The following AIPL1 variants were observed in gnomAD, a reference collection of about 807,000 sequenced individuals.
AIPL1 encodes the protein aryl-hydrocarbon-interacting protein-like 1.
A neutral mutation model predicts 32.9 loss-of-function variants in AIPL1; 23 were observed. The observed-to-expected ratio is 0.70, with a 90% CI of 0.50 to 0.99. The LOEUF (loss-of-function observed/expected upper bound fraction) is 0.99. AIPL1 is among the 50% of genes least tolerant of loss of function. AIPL1 has a pLI of 0.00. For missense variants in AIPL1, 485 were observed against 506.0 expected (o/e 0.96, Z 0.40); for synonymous variants, 210 against 209.4 (o/e 1.00, Z -0.02).
rs563684228 is a variant in AIPL1, at chr17:6,428,499, C to T, written c.284G>A (p.Gly95Glu). Residue 95 changes from glycine to glutamate, a missense_variant, in exon 3 of 6, where the codon GGG becomes GAG. By Grantham distance (98) the Gly-to-Glu change is moderately conservative. Transcript: ENST00000381129. The stretch of plus-strand genomic sequence containing the variant: ...GCTCCGGGATAGGATGGGGTAGACC[C>T]CCGTGTGCTGTGGGGATAAACGGAT... Reference protein sequence around the residue: ...AEFWCDTIHTGVYPILSRSLR... With the variant: ...AEFWCDTIHTEVYPILSRSLR... 5.0e-6 allele frequency: 8 copies of T among 1,613,902 alleles called. No homozygotes were observed. In the East Asian group the frequency reaches 1.8e-4, roughly 36 times the overall value.
In AIPL1 at chr17:6,424,763, C is replaced by T. The variant is rs1466854082; in HGVS notation, c.*697G>A. ...TATTTTTAGTAGAGATGAGGTTTCA[C>T]CATGTTGGCCAGGCTGGTCTGGAAC... On this transcript the variant is annotated 3_prime_UTR_variant, in exon 6 of 6. Transcript: ENST00000381129. 6.6e-6 allele frequency: 1 copy of T among 152,228 alleles called. No homozygotes were observed. Among genetic ancestry groups the T allele is most frequent in the East Asian group, 1.9e-4 (1 of 5,198 alleles). The allele number at this position is 152,228 out of a possible 1,614,324, so 9.4% of individuals were successfully genotyped here.
intron 1 of AIPL1, 129 bp from the exon 2 acceptor site, chr17:6,434,227 C>A (rs1345394117): frequency 2.8e-6 from 3 of 1,083,112 alleles, no homozygotes; most frequent in Non-Finnish European, 2.7e-6. Flanking sequence ...TCAGATGCCT[C>A]AGACCCCTGG....
At chr17:6,426,332 C>T in intron 5 of AIPL1, 2 of 1,392,918 alleles carry the variant, frequency 1.4e-6, no homozygotes, top group Non-Finnish European at 1.9e-6. Flanking sequence ...ATTGATTGCC[C>T]CTCTTTTTTA....
Position 6,435,002 on chromosome 17 carries a change from C to T in AIPL1, c.96+7G>A, listed in dbSNP as rs370025894. 1.9e-6 allele frequency: 3 copies of T among 1,614,040 alleles called. No individual in the cohort carries two copies. The highest frequency in any genetic ancestry group is 2.5e-6 in the Non-Finnish European group (3 of 1,180,034). On this transcript the variant is annotated splice_region_variant and intron_variant, in intron 1 of 5. Transcript: ENST00000381129. ...GACCCTGTCTGCTCCGGAGGGGCCC[C>T]ACTCACTCGGGATCCGGTGATGAAG...
chr17:6,428,475 C>A lies in AIPL1; in HGVS notation c.308G>T (p.Ser103Ile). The A allele has an allele frequency of 6.2e-7, 1 of 1,614,040 alleles. No individual in the cohort carries two copies. The highest frequency in any genetic ancestry group is 8.5e-7 in the Non-Finnish European group (1 of 1,180,034). The change falls in exon 3 of 6, where the codon AGC (serine) becomes ATC (isoleucine). Residue 103 changes from serine to isoleucine, a missense_variant. By Grantham distance (142) the Ser-to-Ile change is moderately radical. Coordinates refer to ENST00000381129, the MANE Select transcript of AIPL1 (RefSeq NM_014336.5). ...CTTGCCCTGGGCCATCTGCCTCAGG[C>A]TCCGGGATAGGATGGGGTAGACCCC... ...HTGVYPILSR[S>I]LRQMAQGKDP...
In AIPL1 at chr17:6,425,704, T is replaced by A; in HGVS notation, c.911A>T (p.Glu304Val). 6.2e-7 allele frequency: 1 copy of A among 1,608,490 alleles called. No individual in the cohort carries two copies. The highest frequency in any genetic ancestry group is 8.5e-7 in the Non-Finnish European group (1 of 1,180,000). Residue 304 changes from glutamate (E) to valine (V), a missense_variant, in exon 6 of 6, where the codon GAG becomes GTG. Transcript: ENST00000381129. ...EPSMQKAVRRELRLLENRMAE... is the reference protein window; with the variant it reads ...EPSMQKAVRRVLRLLENRMAE... ...CATGCGGTTCTCCAGCAGCCTCAGCTCCCTGCGCACCGCCTTCTGCATGGA... is the reference window on the plus strand; with the variant it reads ...CATGCGGTTCTCCAGCAGCCTCAGCACCCTGCGCACCGCCTTCTGCATGGA...
In AIPL1 at chr17:6,426,982, G is replaced by A; in HGVS notation, c.541C>T (p.Leu181Phe). 1 of 1,614,208 alleles carries A rather than the reference G, an allele frequency of 6.2e-7. No homozygotes were observed. Among genetic ancestry groups the A allele is most frequent in the South Asian group, 1.1e-5 (1 of 91,078 alleles). Residue 181 changes from leucine to phenylalanine, a missense_variant, in exon 4 of 6, where the codon CTC (leucine) becomes TTC (phenylalanine). Physicochemically the swap from Leu to Phe is conservative, Grantham distance 22. Transcript: ENST00000381129. Reference protein sequence around the residue: ...NHEKMKAVPVLHGEGNRLFKL... With the variant: ...NHEKMKAVPVFHGEGNRLFKL... ...AAGAGCCGATTTCCCTCTCCGTGGA[G>A]GACGGGCACCGCCTTCATCTTCTCA... is the stretch of plus-strand genomic sequence containing the variant.
chr17:6,433,504 T>C (rs12451885), intron 2 of AIPL1, among the ~76,000 whole-genome samples: 30,024 of 151,692 alleles, frequency 0.2, 3,121 homozygotes, highest in Middle Eastern at 0.35. Context: ...AGTGGGAGGA[T>C]CACCTGAGCC....
In AIPL1 at chr17:6,425,310, T is replaced by TTGG. The variant is rs200162761; in HGVS notation, c.*149_*150insCCA. 3 of 255,460 alleles carry TTGG rather than the reference T, an allele frequency of 1.2e-5. No individual in the cohort carries two copies. In the East Asian group the frequency reaches 3.4e-4, roughly 29 times the overall value. 15.8% of individuals were successfully genotyped at this position (255,460 alleles called of 1,614,324 possible). On this transcript the variant is annotated 3_prime_UTR_variant, in exon 6 of 6. Transcript: ENST00000381129. ...GCTCTTCTGTACCCTTGGGATTGTT[T>TTGG]TTTTTTTTTTTTTTACCATGGGTGT...
intron 2 of AIPL1, among the ~76,000 whole-genome samples, chr17:6,433,623 A>T (rs868431717): frequency 0.03 from 3,892 of 128,562 alleles, 88 homozygotes; most frequent in African/African-American, 0.059. Context: ...ACACACACAC[A>T]CACACACACA....
rs538375564 is a variant in AIPL1, at chr17:6,433,860, C to T, written c.276+59G>A. On this transcript the variant is annotated intron_variant, in intron 2 of 5. Coordinates refer to ENST00000381129, the MANE Select transcript of AIPL1 (RefSeq NM_014336.5). Reference sequence around the variant, plus strand: ...CCCGAAACACAGCAGCCCCGCAAAGCGGGTGGGTGAGCCCAGAAAAGACTA... The same window carrying T: ...CCCGAAACACAGCAGCCCCGCAAAGTGGGTGGGTGAGCCCAGAAAAGACTA... 266 of 1,586,550 alleles carry T rather than the reference C, an allele frequency of 1.7e-4. No individual in the cohort carries two copies. In the African/African-American group the frequency reaches 2.9e-3, roughly 17 times the overall value.
rs775153508 is a variant in AIPL1 at position 6,426,647 on chromosome 17, T to C, written c.752A>G (p.Glu251Gly). The C allele has an allele frequency of 3.7e-6, 6 of 1,614,070 alleles. No homozygotes were observed. Among genetic ancestry groups the C allele is most frequent in the Non-Finnish European group, 5.1e-6 (6 of 1,180,034 alleles). ...LKKEEYYEVL[E>G]HTSDILRHHP... ...GTGCCGGAGAATATCACTGGTGTGC[T>C]CCAGCACCTCATAGTACTCCTCCTT... Residue 251 changes from glutamate to glycine, a missense_variant, in exon 5 of 6, where the codon GAG becomes GGG. Glu to Gly is a moderately conservative substitution (Grantham distance 98). Transcript: ENST00000381129.
chr17:6,429,747 C>T (rs1455180354), intron 2 of AIPL1, among the ~76,000 whole-genome samples: 2 of 152,150 alleles, frequency 1.3e-5, no homozygotes, highest in Non-Finnish European at 2.9e-5. Context: ...CTGTTTCACT[C>T]CTAACATACA....
At chr17:6,429,831 GA>G (rs1567640426) in intron 2 of AIPL1, among the ~76,000 whole-genome samples, 37 of 117,470 alleles carry the variant, frequency 3.1e-4, no homozygotes, top group South Asian at 1.2e-3. Context: ...TAGGTAGATA[GA>G]TAGATAGATA....
At chr17:6,433,255 C>CTCTAATCATGCTGTATAAAATCTCCAGA (rs1481993200) in intron 2 of AIPL1, among the ~76,000 whole-genome samples, 9 of 152,144 alleles carry the variant, frequency 5.9e-5, no homozygotes, top group Non-Finnish European at 7.3e-5. Context: ...ACCAGTGCTG[C>CTCTAATCATGCTGTATAAAATCTCCAGA]TCTAATCATG....
chr17:6,425,980 GTAAGA>G, intron 5 of AIPL1, 150 bp from the exon 6 acceptor site: 1 of 1,152,250 alleles, frequency 8.7e-7, no homozygotes, highest in South Asian at 1.6e-5. Context: ...TTCCTCAACT[GTAAGA>G]TGGAGATGAT....
chr17:6,432,459 G>A (rs1274153754), intron 2 of AIPL1, among the ~76,000 whole-genome samples: 1 of 152,082 alleles, frequency 6.6e-6, no homozygotes, highest in Non-Finnish European at 1.5e-5. Flanking sequence ...GCGCTATGCA[G>A]AGACTTTGTT....
chr17:6,429,638 C>T (rs561240732), intron 2 of AIPL1, among the ~76,000 whole-genome samples: 97 of 152,292 alleles, frequency 6.4e-4, no homozygotes, highest in Middle Eastern at 3.4e-3. Flanking sequence ...ACACTGCCCT[C>T]ACTTATTTAT....
Position 6,425,529 on chromosome 17 carries a change from C to T in AIPL1, c.1086G>A (p.Leu362=), listed in dbSNP as rs1379397091. The change falls in exon 6 of 6, where the codon CTG becomes CTA. Residue 362 remains leucine, a synonymous_variant. Coordinates refer to ENST00000381129, the MANE Select transcript of AIPL1 (RefSeq NM_014336.5). The part of the protein sequence containing the change: ...AEPPTAPSAE[L]SAGPPAEPAT... ...CTGGCTCTGCAGGGGGCCCTGCGGACAGCTCTGCAGATGGTGCTGTGGGTG... is the reference window on the plus strand; with the variant it reads ...CTGGCTCTGCAGGGGGCCCTGCGGATAGCTCTGCAGATGGTGCTGTGGGTG... 6.2e-7 allele frequency: 1 copy of T among 1,611,834 alleles called. No individual in the cohort carries two copies. Among genetic ancestry groups the T allele is most frequent in the Non-Finnish European group, 8.5e-7 (1 of 1,179,656 alleles).
Sources: allele counts gnomAD v4.1 joint callset (sites outside exome capture counted in the v4.1 genomes callset), GRCh38; gene constraint gnomAD v4.1.1; transcripts MANE v1.5; gene names NCBI Gene and HGNC (gene_info 2026-07-23, HGNC 2026-07-21).